AFM: variants seen among roughly 807,000 people sequenced by gnomAD.
AFM encodes alpha-Alb.
A neutral mutation model predicts 68.7 loss-of-function variants in AFM; 82 were observed. The observed-to-expected ratio is 1.19, with a 90% CI of 1.00 to 1.43. The LOEUF (loss-of-function observed/expected upper bound fraction) is 1.43, where lower values mean the gene tolerates loss of function less well. Among genes scored for constraint, AFM ranks in the 40% most tolerant of loss-of-function variants. The pLI is 0.00. For missense variants in AFM, 772 were observed against 701.8 expected (o/e 1.10, Z -1.13); for synonymous variants, 250 against 234.2 (o/e 1.07, Z -0.61).
At chr4:73,495,463 C>A (rs1446271849) in intron 9 of AFM, 31 bp downstream of exon 9, 3 of 1,588,192 alleles carry the variant, frequency 1.9e-6, no homozygotes, top group South Asian at 1.2e-5. Flanking sequence ...TTCAGAAAAT[C>A]AAAAAAGAAC....
chr4:73,488,816 T>C, intron 7 of AFM, 57 bp downstream of exon 7: 2 of 1,549,426 alleles, frequency 1.3e-6, no homozygotes, highest in Non-Finnish European at 8.7e-7. Context: ...ATCATTTTTT[T>C]ATTCTCAAGT....
At chr4:73,497,600 ATGGTTAAATT>A in intron 9 of AFM, 42 bp from the exon 10 acceptor site, 1 of 1,239,536 alleles carries the variant, frequency 8.1e-7, no homozygotes. Context: ...TGTAAAGCTT[ATGGTTAAATT>A]TTAGATAAAA....
At chr4:73,499,824 G>T (rs1331797953) in intron 11 of AFM, among the ~76,000 whole-genome samples, 180 bp from the exon 12 acceptor site, 1 of 152,042 alleles carries the variant, frequency 6.6e-6, no homozygotes, top group African/African-American at 2.4e-5. Context: ...TGGTCATAAT[G>T]CCATTTAGGA....
chr4:73,484,126 G>T, intron 2 of AFM, 132 bp from the exon 3 acceptor site: 1 of 1,403,970 alleles, frequency 7.1e-7, no homozygotes, highest in Non-Finnish European at 9.5e-7. Context: ...TTCAGGCAAA[G>T]AAGTTGTAAA....
At chr4:73,492,227 T>C in intron 8 of AFM, 141 bp downstream of exon 8, 3 of 699,458 alleles carry the variant, frequency 4.3e-6, no homozygotes, top group East Asian at 5.6e-5. Flanking sequence ...ATCATGGCTA[T>C]AGAGTGTAGT....
chr4:73,491,977 T>C lies in AFM; in HGVS notation c.949T>C (p.Ser317Pro). Residue 317 changes from serine (S) to proline (P), a missense_variant, in exon 8 of 15, where the codon TCA becomes CCA. Coordinates refer to ENST00000226355, the MANE Select transcript of AFM (RefSeq NM_001133.2). ...AGAGCGCGGCCAGTGCATAATTAAC[T>C]CAAACAAAGATGATAGACCAAAGGA... ...IPERGQCIIN[S>P]NKDDRPKDLS... The C allele has an allele frequency of 1.2e-6, 2 of 1,613,898 alleles. No homozygotes were observed. The highest frequency in any genetic ancestry group is 1.7e-6 in the Non-Finnish European group (2 of 1,179,918).
Position 73,483,968 on chromosome 4 carries a change from T to C in AFM, c.116T>C (p.Ile39Thr). Residue 39 changes from isoleucine to threonine, a missense_variant, in exon 2 of 15, where the codon ATA becomes ACA. Coordinates refer to ENST00000226355, the MANE Select transcript of AFM (RefSeq NM_001133.2). ...IENFNSTQKF[I>T]EDNIEYITII... ...AACTTCAATAGTACTCAAAAATTTA[T>C]AGAAGATAATATTGAATACATGTGA... 5 of 1,529,342 alleles carry C rather than the reference T, an allele frequency of 3.3e-6. No homozygotes were observed. Among genetic ancestry groups the C allele is most frequent in the Non-Finnish European group, 2.7e-6 (3 of 1,116,904 alleles). 94.7% of individuals were successfully genotyped at this position (1,529,342 alleles called of 1,614,324 possible). A position where few individuals can be genotyped will look rare whatever the true frequency, so the allele number is the denominator to read the frequency against.
At chr4:73,490,088 G>T (rs1037686798) in intron 7 of AFM, among the ~76,000 whole-genome samples, 1 of 151,598 alleles carries the variant, frequency 6.6e-6, no homozygotes, top group Non-Finnish European at 1.5e-5. Flanking sequence ...CAGGACTCAG[G>T]AAGCTAAGGA....
Position 73,503,125 on chromosome 4 carries a change from C to G in AFM, c.*40+15C>G. 2.5e-6 allele frequency: 4 copies of G among 1,575,350 alleles called. No individual in the cohort carries two copies. Among genetic ancestry groups the G allele is most frequent in the Non-Finnish European group, 3.5e-6 (4 of 1,146,524 alleles). On this transcript the variant is annotated intron_variant, in intron 14 of 14. Coordinates refer to ENST00000226355, the MANE Select transcript of AFM (RefSeq NM_001133.2). ...AAGCACCAAAGGTAATACCCTCTGC[C>G]TCATTCAAATGTCAAATGTATTTGT...
chr4:73,503,540 A>G (rs1721473800), intron 14 of AFM, among the ~76,000 whole-genome samples: 1 of 152,180 alleles, frequency 6.6e-6, no homozygotes. Flanking sequence ...TTACTGAGAT[A>G]TGATTCACAT....
intron 8 of AFM, among the ~76,000 whole-genome samples, chr4:73,492,755 A>G (rs1444216415): frequency 6.7e-6 from 1 of 149,048 alleles, no homozygotes; most frequent in Non-Finnish European, 1.5e-5. Flanking sequence ...GAGATCACGC[A>G]CTGCACTCCA....
intron 9 of AFM, among the ~76,000 whole-genome samples, chr4:73,497,393 A>G (rs1721284480): frequency 6.6e-6 from 1 of 152,208 alleles, no homozygotes; most frequent in Non-Finnish European, 1.5e-5. Context: ...TCTGTTTTGT[A>G]ATTTGGAAGG....
At position 73,501,865 on chromosome 4, in the gene AFM, T is replaced by C; in HGVS notation, c.1725T>C (p.Asn575=). ...AGTCTTTGTTTACAAATTTCGCAAA[T>C]GTAGTGGATAAGTGCTGCAAAGCAG... The part of the protein sequence containing the change: ...ELQSLFTNFA[N]VVDKCCKAES... Residue 575 remains asparagine, a synonymous_variant, in exon 13 of 15, where the codon AAT becomes AAC. Transcript: ENST00000226355. 6.2e-7 allele frequency: 1 copy of C among 1,613,588 alleles called. No homozygotes were observed. The highest frequency in any genetic ancestry group is 1.3e-5 in the African/African-American group (1 of 75,046).
At chr4:73,494,063 GTGT>G (rs1472278269) in intron 8 of AFM, among the ~76,000 whole-genome samples, 7 of 62,512 alleles carry the variant, frequency 1.1e-4, no homozygotes, top group Non-Finnish European at 1.7e-4. Flanking sequence ...GTTTTTAGGT[GTGT>G]GTGTGTGTGT....
chr4:73,487,056 C>T lies in AFM; in HGVS notation c.572C>T (p.Ser191Leu). The T allele has an allele frequency of 6.2e-7, 1 of 1,614,028 alleles. No individual in the cohort carries two copies. The highest frequency in any genetic ancestry group is 8.5e-7 in the Non-Finnish European group (1 of 1,179,960). Reference sequence around the variant, plus strand: ...GTTCATTTTGAGGAGGTGGCCAAATCATGTTGTGAAGAACAAAACAAAGTC... The same window carrying T: ...GTTCATTTTGAGGAGGTGGCCAAATTATGTTGTGAAGAACAAAACAAAGTC... Reference protein sequence around the residue: ...VAVHFEEVAKSCCEEQNKVNC... With the variant: ...VAVHFEEVAKLCCEEQNKVNC... The change falls in exon 5 of 15, where the codon TCA becomes TTA. Residue 191 changes from serine (S) to leucine (L), a missense_variant. Ser to Leu is a moderately radical substitution (Grantham distance 145). Transcript: ENST00000226355.
Position 73,501,991 on chromosome 4 carries a change from G to A in AFM, c.1779+72G>A, listed in dbSNP as rs145496606. On this transcript the variant is annotated intron_variant, in intron 13 of 14. Coordinates refer to ENST00000226355, the MANE Select transcript of AFM (RefSeq NM_001133.2). ...AAATAAAATAAAACAGAACCCTGCA[G>A]GACACTGCTTCCTCTCTGCAGTGTC... 305 of 1,520,076 alleles carry A rather than the reference G, an allele frequency of 2.0e-4. No homozygotes were observed. In the African/African-American group the frequency reaches 3.7e-3, roughly 19 times the overall value. 94.2% of individuals were successfully genotyped at this position (1,520,076 alleles called of 1,614,324 possible).
At position 73,495,400 on chromosome 4, in the gene AFM, A is replaced by G. The variant is rs1384615428; in HGVS notation, c.1159A>G (p.Thr387Ala). ...AGATCTCCTGAGAAATTGCTGCAACACAGAAAACCCTCCAGGTTGTTACCG... is the reference window on the plus strand; with the variant it reads ...AGATCTCCTGAGAAATTGCTGCAACGCAGAAAACCCTCCAGGTTGTTACCG... ...YKDLLRNCCN[T>A]ENPPGCYRYA... is the part of the protein sequence containing the mutation. The change falls in exon 9 of 15, where the codon ACA becomes GCA. Residue 387 changes from threonine to alanine, a missense_variant. Physicochemically the swap from Thr to Ala is moderately conservative, Grantham distance 58. Coordinates refer to ENST00000226355, the MANE Select transcript of AFM (RefSeq NM_001133.2). 6.2e-7 allele frequency: 1 copy of G among 1,613,318 alleles called. No individual in the cohort carries two copies. The highest frequency in any genetic ancestry group is 8.5e-7 in the Non-Finnish European group (1 of 1,179,740).
In AFM at chr4:73,495,372, C is replaced by A. The variant is rs1470793470; in HGVS notation, c.1131C>A (p.Tyr377Ter). ...IPELLRIVQIYKDLLRNCCNT... is the reference protein window; with the variant it reads ...IPELLRIVQI ...AGCTTTTAAGAATTGTTCAAATATA[C>A]AAAGATCTCCTGAGAAATTGCTGCA... Residue 377 changes from tyrosine to a stop codon, truncating the protein, a stop_gained, in exon 9 of 15, where the codon TAC becomes TAA. Coordinates refer to ENST00000226355, the MANE Select transcript of AFM (RefSeq NM_001133.2). LOFTEE classifies it high-confidence loss of function. 1 of 1,613,106 alleles carries A rather than the reference C, an allele frequency of 6.2e-7. No homozygotes were observed. The highest frequency in any genetic ancestry group is 8.5e-7 in the Non-Finnish European group (1 of 1,179,704).
intron 3 of AFM, among the ~76,000 whole-genome samples, chr4:73,485,638 GGAA>G (rs1344122046): frequency 8.2e-4 from 111 of 135,748 alleles, no homozygotes; most frequent in Middle Eastern, 3.9e-3. Context: ...AAAAAGAAGA[GGAA>G]GAAGAAGAAG....
Sources: gnomAD v4.1 joint callset for allele counts (sites outside exome capture counted in the v4.1 genomes callset) on GRCh38, gnomAD v4.1.1 for gene constraint, MANE v1.5 for transcripts, NCBI Gene and HGNC (gene_info 2026-07-23, HGNC 2026-07-21) for gene names.